TACC1: variants seen among roughly 807,000 people sequenced by gnomAD.
TACC1 encodes the protein transforming acidic coiled-coil-containing protein 1.
A neutral mutation model predicts 84.4 loss-of-function variants in TACC1; 48 were observed. That is an observed-to-expected ratio of 0.57 (90% CI 0.45 to 0.72). The LOEUF (loss-of-function observed/expected upper bound fraction) is 0.72, where lower values mean the gene tolerates loss of function less well. Among genes scored for constraint, TACC1 ranks in the 30% least tolerant of loss-of-function variants. The pLI is 0.00. For synonymous variants in TACC1, 372 were observed against 376.3 expected, an observed-to-expected ratio of 0.99 and a Z score of 0.13; for missense variants, 920 against 973.0, an observed-to-expected ratio of 0.95 and a Z score of 0.72.
At chr8:38,786,653 G>A (rs1470606408), upstream of TACC1, among the ~76,000 whole-genome samples, 2 of 152,090 alleles carry the variant, frequency 1.3e-5, no homozygotes, top group Non-Finnish European at 2.9e-5. Context: ...CCCCGAGTGC[G>A]GTTTGGGGAG....
chr8:38,770,765 C>A (rs1813447424), intron 3 of TACC1, among the ~76,000 whole-genome samples: 1 of 152,184 alleles, frequency 6.6e-6, no homozygotes, highest in Middle Eastern at 3.4e-3. Context: ...AAAAAGGACT[C>A]CAGCGCCAGG....
At chr8:38,760,033 T>C (rs1810902570) in intron 3 of TACC1, among the ~76,000 whole-genome samples, 1 of 151,464 alleles carries the variant, frequency 6.6e-6, no homozygotes, top group African/African-American at 2.4e-5. Flanking sequence ...TTGTTCTTTT[T>C]TTAAAAAAAA....
chr8:38,774,958 C>T (rs908144231), intron 3 of TACC1, among the ~76,000 whole-genome samples: 5 of 140,612 alleles, frequency 3.6e-5, no homozygotes, highest in African/African-American at 1.4e-4. Flanking sequence ...TTGCAGTGAG[C>T]GAAGATCGCA....
chr8:38,792,298 T>C (rs1818852225), intron 2 of TACC1, among the ~76,000 whole-genome samples: 1 of 152,202 alleles, frequency 6.6e-6, no homozygotes, highest in Non-Finnish European at 1.5e-5. Context: ...CTCAAGTTCA[T>C]CCTCTGTTTT....
intron 2 of TACC1, among the ~76,000 whole-genome samples, chr8:38,796,429 A>G (rs1037612224): frequency 6.6e-6 from 1 of 152,246 alleles, no homozygotes; most frequent in African/African-American, 2.4e-5. Flanking sequence ...TGATGGGGGA[A>G]AGCATCGTCT....
intron 2 of TACC1, among the ~76,000 whole-genome samples, chr8:38,743,722 T>C (rs1807527876): frequency 6.6e-6 from 1 of 152,128 alleles, no homozygotes; most frequent in African/African-American, 2.4e-5. Context: ...TATTTTTCTC[T>C]CCCATAAAAG....
intron 2 of TACC1, among the ~76,000 whole-genome samples, chr8:38,813,095 C>T (rs1030794047): frequency 2.0e-5 from 3 of 152,174 alleles, no homozygotes; most frequent in African/African-American, 4.8e-5. Flanking sequence ...TTACCTCAAA[C>T]GCCCTTAAAA....
At chr8:38,743,811 CAGGAGTTGG>C (rs1807543664) in intron 2 of TACC1, among the ~76,000 whole-genome samples, 1 of 152,086 alleles carries the variant, frequency 6.6e-6, no homozygotes, top group Admixed American at 6.6e-5. Context: ...CACTTGAGCC[CAGGAGTTGG>C]AGGTTGCAGT....
At chr8:38,839,658 C>G (rs934281368) in intron 8 of TACC1, 2 of 226,012 alleles carry the variant, frequency 8.8e-6, no homozygotes, top group African/African-American at 4.5e-5. Context: ...ACAGAGCACC[C>G]AGCACCGGAC....
intron 7 of TACC1, among the ~76,000 whole-genome samples, chr8:38,836,770 T>C (rs1359940886): frequency 6.6e-6 from 1 of 152,204 alleles, no homozygotes; most frequent in East Asian, 1.9e-4. Flanking sequence ...AGGCCTTTCC[T>C]GGTTATCTGA....
chr8:38,831,963 C>T (rs533524898), intron 6 of TACC1, among the ~76,000 whole-genome samples: 5 of 152,272 alleles, frequency 3.3e-5, no homozygotes, highest in South Asian at 4.1e-4. Context: ...TGCGCCACCA[C>T]GCCCAGCTAA....
intron 3 of TACC1, among the ~76,000 whole-genome samples, chr8:38,756,048 CAG>C (rs1809977679): frequency 6.6e-6 from 1 of 151,876 alleles, no homozygotes; most frequent in African/African-American, 2.4e-5. Context: ...CTCCTGACCT[CAG>C]GTAATCCACC....
intron 8 of TACC1, among the ~76,000 whole-genome samples, chr8:38,838,899 C>T (rs1377761429): frequency 6.6e-6 from 1 of 151,436 alleles, no homozygotes; most frequent in Non-Finnish European, 1.5e-5. Flanking sequence ...ATTCATAATA[C>T]TACTTTTTTT....
rs532634482 is a variant in TACC1 at position 38,792,502 on chromosome 8, G to C, written c.277+3683G>C. 3.6e-4 allele frequency among the ~76,000 whole-genome samples: 54 copies of C among 152,100 alleles called. No individual in the cohort carries two copies. The South Asian group carries it at 9.1e-3, about 26-fold the overall frequency. ...GTTTTTTGAGATAGAGTCTCGCTCTGTTGCCCTGGCTGAAATGCAGTGGTG... is the reference window on the plus strand; with the variant it reads ...GTTTTTTGAGATAGAGTCTCGCTCTCTTGCCCTGGCTGAAATGCAGTGGTG... On this transcript the variant is annotated intron_variant, in intron 2 of 12. Coordinates refer to ENST00000317827, the MANE Select transcript of TACC1 (RefSeq NM_006283.3).
Position 38,840,281 on chromosome 8 carries a change from T to G in TACC1, c.1960+14T>G, listed in dbSNP as rs1563949584. ...CTCAAATGATTGGTAAGGAGAACAT[T>G]TTGTTTTTTGAGGGTATGAGCCATA... On this transcript the variant is annotated intron_variant, in intron 9 of 12. Coordinates refer to ENST00000317827, the MANE Select transcript of TACC1 (RefSeq NM_006283.3). The G allele has an allele frequency of 6.2e-7, 1 of 1,611,836 alleles. No individual in the cohort carries two copies. Among genetic ancestry groups the G allele is most frequent in the South Asian group, 1.1e-5 (1 of 90,970 alleles).
chr8:38,817,486 A>T (rs1323669348), intron 2 of TACC1, among the ~76,000 whole-genome samples: 2 of 152,200 alleles, frequency 1.3e-5, no homozygotes, highest in African/African-American at 4.8e-5. Context: ...TATGACAGAG[A>T]AAATAGTACA....
At chr8:38,840,397 A>G (rs1831030043) in intron 9 of TACC1, 130 bp downstream of exon 9, 1 of 792,254 alleles carries the variant, frequency 1.3e-6, no homozygotes, top group South Asian at 1.7e-5. Context: ...CTCTGGAGAC[A>G]GGAGAGTTCA....
intron 3 of TACC1, among the ~76,000 whole-genome samples, chr8:38,779,120 G>A (rs1346950316): frequency 1.3e-5 from 2 of 151,804 alleles, no homozygotes; most frequent in African/African-American, 2.4e-5. Context: ...GACTACAGGC[G>A]AACACCACCA....
intron 8 of TACC1, 165 bp from the exon 9 acceptor site, chr8:38,840,059 T>TAAAAA (rs11440274): frequency 4.8e-5 from 9 of 189,306 alleles, no homozygotes; most frequent in African/African-American, 2.3e-4. Context: ...TTATATAATG[T>TAAAAA]AAAAAAAAAA....
Sources: gnomAD v4.1 joint callset for allele counts (sites outside exome capture counted in the v4.1 genomes callset) on GRCh38, gnomAD v4.1.1 for gene constraint, MANE v1.5 for transcripts, NCBI Gene and HGNC (gene_info 2026-07-23, HGNC 2026-07-21) for gene names.